Variants in LYPLAL1 observed in about 807,000 individuals in gnomAD.
The protein encoded by LYPLAL1 is lysophospholipase like 1.
LYPLAL1 carries 23 observed loss-of-function variants against 19.7 expected under a neutral mutation model. That is an observed-to-expected ratio of 1.17 (90% CI 0.84 to 1.65). The LOEUF is 1.65. LYPLAL1 is among the 40% of genes most tolerant of loss of function. The pLI is 0.00. For missense variants in LYPLAL1, 355 were observed against 279.4 expected (o/e 1.27, Z -1.93); for synonymous variants, 119 against 96.3 (o/e 1.24, Z -1.38).
chr1:219,265,594 T>G, the LYPLAL1 span, among the ~76,000 whole-genome samples: 3 of 152,190 alleles, frequency 2.0e-5, no homozygotes, highest in Admixed American at 6.5e-5. Flanking sequence ...GTTCTCTAGT[T>G]TAATAATCAT....
At chr1:219,217,821 G>C (rs375838118), downstream of LYPLAL1, among the ~76,000 whole-genome samples, 1 of 152,066 alleles carries the variant, frequency 6.6e-6, no homozygotes, top group Non-Finnish European at 1.5e-5. Context: ...AGGCCAGGAA[G>C]TTGAAGTAGC....
chr1:219,288,923 A>G, the LYPLAL1 span, among the ~76,000 whole-genome samples: 1 of 152,222 alleles, frequency 6.6e-6, no homozygotes, highest in Non-Finnish European at 1.5e-5. Flanking sequence ...TGCATTTGTC[A>G]TAAAATGTCA....
chr1:219,376,878 A>G, the LYPLAL1 span, among the ~76,000 whole-genome samples: 1 of 152,210 alleles, frequency 6.6e-6, no homozygotes. Flanking sequence ...GTACACTGCT[A>G]GTACAAATAT....
the LYPLAL1 span, among the ~76,000 whole-genome samples, chr1:219,391,579 A>C: frequency 6.6e-6 from 1 of 152,122 alleles, no homozygotes; most frequent in African/African-American, 2.4e-5. Context: ...CTTGAAAAAA[A>C]AAAATTAAGC....
At chr1:219,247,100 A>G in the LYPLAL1 span, among the ~76,000 whole-genome samples, 1 of 152,208 alleles carries the variant, frequency 6.6e-6, no homozygotes, top group Admixed American at 6.5e-5. Flanking sequence ...TTATGTGCCT[A>G]ATATCACATC....
chr1:219,348,114 A>G, the LYPLAL1 span, among the ~76,000 whole-genome samples: 1 of 152,216 alleles, frequency 6.6e-6, no homozygotes, highest in East Asian at 1.9e-4. Context: ...GGGAAAGTCA[A>G]TTTCACATGG....
chr1:219,186,737 T>C (rs756120591), intron 2 of LYPLAL1, among the ~76,000 whole-genome samples: 1 of 151,756 alleles, frequency 6.6e-6, no homozygotes, highest in Non-Finnish European at 1.5e-5. Context: ...TTAACCTACC[T>C]ATATCATTGT....
intron 2 of LYPLAL1, among the ~76,000 whole-genome samples, chr1:219,184,283 A>G (rs961743576): frequency 1.3e-5 from 2 of 151,864 alleles, no homozygotes; most frequent in African/African-American, 4.8e-5. Context: ...CTGTTTCTTC[A>G]TGTTATTGTA....
At chr1:219,425,522 C>T in the LYPLAL1 span, among the ~76,000 whole-genome samples, 1 of 152,166 alleles carries the variant, frequency 6.6e-6, no homozygotes, top group Non-Finnish European at 1.5e-5. Flanking sequence ...GTTAGTGTAA[C>T]ATCCAGCTCC....
At chr1:219,385,734 A>G in the LYPLAL1 span, among the ~76,000 whole-genome samples, 1 of 152,318 alleles carries the variant, frequency 6.6e-6, no homozygotes, top group Admixed American at 6.5e-5. Context: ...AAAGAAATAA[A>G]GATAAACAGA....
the LYPLAL1 span, among the ~76,000 whole-genome samples, chr1:219,379,537 C>T: frequency 1.3e-5 from 2 of 152,196 alleles, no homozygotes. Context: ...TCATGATAGG[C>T]TCAGGAGGGT....
At chr1:219,244,817 C>A in the LYPLAL1 span, among the ~76,000 whole-genome samples, 1 of 148,412 alleles carries the variant, frequency 6.7e-6, no homozygotes, top group Non-Finnish European at 1.5e-5. Context: ...CATCGTGGTG[C>A]ATGCCTGTAA....
intron 1 of LYPLAL1, chr1:219,174,789 T>G (rs1655676062): frequency 1.3e-5 from 8 of 593,482 alleles, no homozygotes; most frequent in Non-Finnish European, 1.7e-5. Context: ...TCAGGAAATG[T>G]TTTTTAAAGA....
the LYPLAL1 span, among the ~76,000 whole-genome samples, chr1:219,382,920 C>T: frequency 6.6e-6 from 1 of 151,584 alleles, no homozygotes; most frequent in African/African-American, 2.4e-5. Flanking sequence ...ATAAAAATGC[C>T]CACCTACTCG....
the LYPLAL1 span, among the ~76,000 whole-genome samples, chr1:219,312,298 T>G: frequency 1.2e-4 from 19 of 152,276 alleles, no homozygotes; most frequent in East Asian, 2.5e-3. Context: ...AAACTTCACT[T>G]TGAAATTTTG....
At chr1:219,324,874 G>A in the LYPLAL1 span, among the ~76,000 whole-genome samples, 1 of 152,186 alleles carries the variant, frequency 6.6e-6, no homozygotes, top group African/African-American at 2.4e-5. Flanking sequence ...AATACAGAAT[G>A]TATTCCAGTA....
At chr1:219,338,827 A>G in the LYPLAL1 span, among the ~76,000 whole-genome samples, 9 of 151,710 alleles carry the variant, frequency 5.9e-5, no homozygotes, top group Admixed American at 5.3e-4. Flanking sequence ...CTTTTTTTCA[A>G]TGTTTTATGA....
the LYPLAL1 span, among the ~76,000 whole-genome samples, chr1:219,279,477 A>G: frequency 6.6e-5 from 10 of 152,216 alleles, no homozygotes; most frequent in Admixed American, 3.9e-4. Context: ...GAACCTGCTT[A>G]TCTTTCAGCA....
At chr1:219,442,261 C>G in the LYPLAL1 span, among the ~76,000 whole-genome samples, 1 of 152,050 alleles carries the variant, frequency 6.6e-6, no homozygotes, top group Non-Finnish European at 1.5e-5. Context: ...GGATAATATT[C>G]TATTTACTTA....
Sources: gnomAD v4.1 joint callset for allele counts (sites outside exome capture counted in the v4.1 genomes callset) on GRCh38, gnomAD v4.1.1 for gene constraint, MANE v1.5 for transcripts, NCBI Gene and HGNC (gene_info 2026-07-23, HGNC 2026-07-21) for gene names.